Variants in BCAS3 observed in about 807,000 individuals in gnomAD.
The protein encoded by BCAS3 is BCAS4/BCAS3 fusion.
A neutral mutation model predicts 116.1 loss-of-function variants in BCAS3; 53 were observed. The ratio of observed to expected loss-of-function variants is 0.46; its 90% CI spans 0.37 to 0.57. The LOEUF (loss-of-function observed/expected upper bound fraction) is 0.57. Among genes scored for constraint, BCAS3 ranks in the 20% least tolerant of loss-of-function variants. The pLI is 0.00. For synonymous variants in BCAS3, 391 were observed against 408.2 expected (o/e 0.96, Z 0.51); for missense variants, 917 against 1,165.4 (o/e 0.79, Z 3.10).
chr17:60,848,402 T>C (rs1416933240), intron 7 of BCAS3, among the ~76,000 whole-genome samples: 1 of 152,234 alleles, frequency 6.6e-6, no homozygotes, highest in East Asian at 1.9e-4. Context: ...TCTTTTGGAT[T>C]GTTCATTGCT....
intron 22 of BCAS3, among the ~76,000 whole-genome samples, chr17:61,340,442 G>A (rs1947942885): frequency 6.6e-6 from 1 of 152,132 alleles, no homozygotes; most frequent in African/African-American, 2.4e-5. Flanking sequence ...TGGTGGAGAA[G>A]ATATTGACAG....
intron 19 of BCAS3, among the ~76,000 whole-genome samples, chr17:61,069,130 T>C (rs564055100): frequency 6.6e-6 from 1 of 151,286 alleles, no homozygotes; most frequent in Admixed American, 6.6e-5. Flanking sequence ...ACTTGGGAAA[T>C]AGTAGAAGGA....
At chr17:60,816,279 C>CTTTTTTTTTTT (rs537982584) in intron 7 of BCAS3, among the ~76,000 whole-genome samples, 2 of 140,108 alleles carry the variant, frequency 1.4e-5, no homozygotes, top group African/African-American at 2.7e-5. Context: ...TTTTTCTTTT[C>CTTTTTTTTTTT]TTTTTTTTTT....
At chr17:60,812,121 G>C (rs1460303298) in intron 7 of BCAS3, among the ~76,000 whole-genome samples, 1 of 152,054 alleles carries the variant, frequency 6.6e-6, no homozygotes, top group Non-Finnish European at 1.5e-5. Context: ...AATATGTCTT[G>C]TTGTTAAGTT....
intron 22 of BCAS3, among the ~76,000 whole-genome samples, chr17:61,085,920 A>G (rs1035555819): frequency 6.6e-6 from 1 of 152,220 alleles, no homozygotes; most frequent in Non-Finnish European, 1.5e-5. Flanking sequence ...AGATTACAAG[A>G]GTAGGCCTTG....
intron 22 of BCAS3, among the ~76,000 whole-genome samples, chr17:61,182,054 T>C (rs1195102448): frequency 6.6e-6 from 1 of 152,014 alleles, no homozygotes; most frequent in Non-Finnish European, 1.5e-5. Context: ...TTTAAAATTT[T>C]TGTTGAGATG....
chr17:60,917,593 CA>C (rs2058838380), intron 12 of BCAS3, among the ~76,000 whole-genome samples: 1 of 147,708 alleles, frequency 6.8e-6, no homozygotes, highest in Non-Finnish European at 1.5e-5. Flanking sequence ...TACCTTTTGC[CA>C]ATTTTTTTTT....
At chr17:61,317,361 C>T (rs1212293012) in intron 22 of BCAS3, among the ~76,000 whole-genome samples, 1 of 152,174 alleles carries the variant, frequency 6.6e-6, no homozygotes, top group Non-Finnish European at 1.5e-5. Context: ...TCTTAAATAA[C>T]AGGTCATATG....
chr17:60,789,789 A>G (rs2046599702), intron 6 of BCAS3, among the ~76,000 whole-genome samples: 1 of 152,226 alleles, frequency 6.6e-6, no homozygotes, highest in Non-Finnish European at 1.5e-5. Flanking sequence ...AAGAATGAAG[A>G]GTACATGCTA....
intron 22 of BCAS3, among the ~76,000 whole-genome samples, chr17:61,212,173 C>T (rs1189752783): frequency 6.6e-6 from 1 of 152,176 alleles, no homozygotes. Flanking sequence ...AAAAAGCATA[C>T]CTATGAAAAG....
At chr17:60,725,708 A>G (rs1330330715) in intron 5 of BCAS3, among the ~76,000 whole-genome samples, 1 of 152,174 alleles carries the variant, frequency 6.6e-6, no homozygotes, top group East Asian at 1.9e-4. Context: ...CGAACAAAGA[A>G]TTGTTCAGTC....
chr17:60,873,263 A>G lies in BCAS3; in HGVS notation c.585-1399A>G, dbSNP rs951403296. Among the ~76,000 whole-genome samples the G allele has an allele frequency of 2.0e-4, 31 of 152,164 alleles. 1 individual carries two copies. The highest frequency in any genetic ancestry group is 2.9e-5 in the Non-Finnish European group (2 of 67,982). On this transcript the variant is annotated intron_variant, in intron 8 of 23. Coordinates refer to ENST00000407086, the MANE Select transcript of BCAS3 (RefSeq NM_017679.5). Reference sequence around the variant, plus strand: ...AAGTTTTTAACAGGCCCAGCTAGAAAAAAAAATTGCAAGGATCTAACAGTA... The same window carrying G: ...AAGTTTTTAACAGGCCCAGCTAGAAGAAAAAATTGCAAGGATCTAACAGTA...
At chr17:60,686,671 A>G (rs1030500077) in intron 3 of BCAS3, among the ~76,000 whole-genome samples, 1 of 152,016 alleles carries the variant, frequency 6.6e-6, no homozygotes, top group Non-Finnish European at 1.5e-5. Context: ...GATTGCAGGC[A>G]TGTGCCAACA....
rs1187097161 is a variant in BCAS3, at chr17:61,012,962, A to G, written c.1487-2789A>G. Among the ~76,000 whole-genome samples the G allele has an allele frequency of 6.6e-6, 1 of 152,090 alleles. No homozygotes were observed. The highest frequency in any genetic ancestry group is 3.4e-3 in the Middle Eastern group (1 of 294). ...AATTGAGAGGTCCTCCTAAAACTGA[A>G]ATATTTTATCTGCCATAGTTAGAGA... On this transcript the variant is annotated intron_variant, in intron 15 of 23. Coordinates refer to ENST00000407086, the MANE Select transcript of BCAS3 (RefSeq NM_017679.5). The surrounding 1 kb of genome is among the most constrained non-coding windows in gnomAD (Gnocchi z 4.5).
intron 12 of BCAS3, 51 bp from the exon 13 acceptor site, chr17:60,924,356 G>A (rs372993220): frequency 6.5e-7 from 1 of 1,526,914 alleles, no homozygotes; most frequent in Admixed American, 1.7e-5. Context: ...TTCAAGCTCG[G>A]TTATCAGTGA....
At chr17:60,786,508 C>CA (rs1478614849) in intron 6 of BCAS3, among the ~76,000 whole-genome samples, 2 of 149,446 alleles carry the variant, frequency 1.3e-5, no homozygotes, top group African/African-American at 5.0e-5. Context: ...AGTGACAGAG[C>CA]AAGACTCTAT....
intron 12 of BCAS3, among the ~76,000 whole-genome samples, chr17:60,911,119 C>CTTTATTTT (rs1567849303): frequency 2.8e-5 from 1 of 35,314 alleles, no homozygotes; most frequent in Non-Finnish European, 6.0e-5. Context: ...TTCTTTTTTT[C>CTTTATTTT]TTTCTTTTTT....
At chr17:60,694,529 A>G (rs977490406) in intron 4 of BCAS3, among the ~76,000 whole-genome samples, 1 of 152,126 alleles carries the variant, frequency 6.6e-6, no homozygotes, top group African/African-American at 2.4e-5. Flanking sequence ...ATCATTAAAA[A>G]TTGAGACAAG....
rs200075061 is a variant in BCAS3, at chr17:61,042,961, GAGGA to G, written c.2029+2073_2029+2076del. Among the ~76,000 whole-genome samples, 1,498 of 149,876 alleles carry G rather than the reference GAGGA, an allele frequency of 1.0e-2. 34 individuals are homozygous for G. Among genetic ancestry groups the G allele is most frequent in the African/African-American group, 0.036 (1,438 of 40,260 alleles). ...TGGCAGCACTGCAGCAGGAAATTCA[GAGGA>G]AGGGAGTGGAGGCTAGGTGATCCTA... is the stretch of plus-strand genomic sequence containing the variant. On this transcript the variant is annotated intron_variant, in intron 19 of 23. Transcript: ENST00000407086.
Sources: gnomAD v4.1 joint callset for allele counts (sites outside exome capture counted in the v4.1 genomes callset) on GRCh38, gnomAD v4.1.1 for gene constraint, Gnocchi (gnomAD v3.1) non-coding constraint, MANE v1.5 for transcripts, NCBI Gene and HGNC (gene_info 2026-07-23, HGNC 2026-07-21) for gene names.